WDPCP: variants seen among roughly 807,000 people sequenced by gnomAD.
WDPCP encodes WD repeat-containing and planar cell polarity effector protein fritz homolog.
WDPCP carries 71 observed loss-of-function variants against 93.1 expected under a neutral mutation model. That is an observed-to-expected ratio of 0.76 (90% confidence interval 0.63 to 0.93). The LOEUF is 0.93. WDPCP is among the 40% of genes least tolerant of loss of function. The pLI, the probability that WDPCP is intolerant of heterozygous loss-of-function variation, is 0.00. For missense variants in WDPCP, 844 were observed against 887.4 expected (o/e 0.95, Z 0.62); for synonymous variants, 315 against 315.0 (o/e 1.00, Z 0.00).
chr2:63,176,226 A>C (rs1482145299), intron 14 of WDPCP, among the ~76,000 whole-genome samples: 1 of 152,110 alleles, frequency 6.6e-6, no homozygotes, highest in Non-Finnish European at 1.5e-5. Context: ...CCTTCACTGA[A>C]GAAATGTGGA....
intron 14 of WDPCP, among the ~76,000 whole-genome samples, chr2:63,244,803 G>A (rs549194521): frequency 1.3e-5 from 2 of 152,210 alleles, no homozygotes; most frequent in African/African-American, 4.8e-5. Context: ...TTGCAGTGAC[G>A]TATTCCCATT....
intron 12 of WDPCP, among the ~76,000 whole-genome samples, chr2:63,336,888 A>C (rs1050048442): frequency 7.4e-6 from 1 of 135,138 alleles, no homozygotes; most frequent in Non-Finnish European, 1.5e-5. Context: ...TATCTTCATG[A>C]GAGTCACTTT....
At chr2:63,294,588 C>G (rs181513644) in intron 13 of WDPCP, among the ~76,000 whole-genome samples, 1 of 145,906 alleles carries the variant, frequency 6.9e-6, no homozygotes, top group Non-Finnish European at 1.5e-5. Flanking sequence ...AATTGTCCTT[C>G]AAAAGTGAAG....
the WDPCP span, among the ~76,000 whole-genome samples, chr2:63,834,636 A>C: frequency 6.6e-6 from 1 of 152,216 alleles, no homozygotes; most frequent in African/African-American, 2.4e-5. Flanking sequence ...GGCCAAGAGG[A>C]GCAGCATCTC....
At chr2:63,372,454 G>T (rs1575257049) in intron 12 of WDPCP, among the ~76,000 whole-genome samples, 1 of 152,094 alleles carries the variant, frequency 6.6e-6, no homozygotes, top group Non-Finnish European at 1.5e-5. Flanking sequence ...TAATTGTGGA[G>T]TAAATAAAAA....
rs561881905 is a variant in WDPCP, at chr2:63,318,659, A to G, written c.1749-5348T>C. On this transcript the variant is annotated intron_variant, in intron 12 of 17. Coordinates refer to ENST00000272321, the MANE Select transcript of WDPCP (RefSeq NM_015910.7). ...GCCACTATCCTAAGAGAATTAATAC[A>G]GGACCAAAAAACCAAATACCCCATG... 2.6e-5 allele frequency among the ~76,000 whole-genome samples: 4 copies of G among 152,334 alleles called. 1 individual carries two copies. The South Asian group carries it at 8.3e-4, about 32-fold the overall frequency.
intron 2 of WDPCP, among the ~76,000 whole-genome samples, chr2:63,810,693 C>T (rs915093665): frequency 1.3e-5 from 2 of 152,142 alleles, no homozygotes; most frequent in Admixed American, 1.3e-4. Flanking sequence ...CAAATTTATT[C>T]CATATTTTTT....
At chr2:63,557,461 C>G (rs1300796217) in intron 1 of WDPCP, among the ~76,000 whole-genome samples, 2 of 152,202 alleles carry the variant, frequency 1.3e-5, no homozygotes, top group African/African-American at 4.8e-5. Context: ...GAAAAGCTAA[C>G]TATCCTAAAC....
chr2:63,166,591 C>T (rs1156235338), intron 15 of WDPCP, among the ~76,000 whole-genome samples: 3 of 151,668 alleles, frequency 2.0e-5, no homozygotes, highest in Admixed American at 6.6e-5. Flanking sequence ...CAGGGTTTCG[C>T]CATATTTGCC....
At chr2:63,657,555 T>A (rs1710183695) in intron 2 of WDPCP, among the ~76,000 whole-genome samples, 2 of 152,158 alleles carry the variant, frequency 1.3e-5, no homozygotes, top group African/African-American at 4.8e-5. Context: ...CTGTGGAGAA[T>A]AGACTGGGGA....
At chr2:63,514,878 C>G (rs1434759579) in intron 1 of WDPCP, among the ~76,000 whole-genome samples, 1 of 152,110 alleles carries the variant, frequency 6.6e-6, no homozygotes, top group Non-Finnish European at 1.5e-5. Flanking sequence ...TCTTGCCACT[C>G]CTGTATTTGC....
At chr2:63,720,958 T>G (rs546585832) in intron 2 of WDPCP, among the ~76,000 whole-genome samples, 1 of 152,254 alleles carries the variant, frequency 6.6e-6, no homozygotes, top group Non-Finnish European at 1.5e-5. Flanking sequence ...ACCTGACAGA[T>G]AGTCATTAAC....
At chr2:63,485,055 T>C in intron 4 of WDPCP, 68 bp from the exon 5 acceptor site, 1 of 1,551,920 alleles carries the variant, frequency 6.4e-7, no homozygotes, top group Non-Finnish European at 8.9e-7. Flanking sequence ...CTTAGCAGTG[T>C]GCCTTAGGGA....
intron 2 of WDPCP, among the ~76,000 whole-genome samples, chr2:63,809,858 G>C (rs373536753): frequency 4.6e-5 from 7 of 151,612 alleles, no homozygotes; most frequent in Non-Finnish European, 8.8e-5. Flanking sequence ...CACTGTTGTC[G>C]TATGACCCTG....
chr2:63,519,450 G>A (rs549058471), intron 1 of WDPCP, among the ~76,000 whole-genome samples: 1 of 152,196 alleles, frequency 6.6e-6, no homozygotes, highest in African/African-American at 2.4e-5. Flanking sequence ...AAATGCAAAC[G>A]GGCATGGATC....
chr2:63,479,123 C>T (rs907325491), intron 6 of WDPCP, among the ~76,000 whole-genome samples: 1 of 151,870 alleles, frequency 6.6e-6, no homozygotes. Flanking sequence ...ATACAACCTT[C>T]CTAGATTAAA....
chr2:63,533,682 C>A (rs1392516148), intron 1 of WDPCP, among the ~76,000 whole-genome samples: 1 of 152,130 alleles, frequency 6.6e-6, no homozygotes, highest in Non-Finnish European at 1.5e-5. Context: ...ACACAACATA[C>A]CAGAATCTCT....
chr2:63,461,322 T>G (rs1698993097), intron 6 of WDPCP, among the ~76,000 whole-genome samples: 1 of 152,112 alleles, frequency 6.6e-6, no homozygotes, highest in African/African-American at 2.4e-5. Flanking sequence ...TGAGACAGTG[T>G]TCACTAAATT....
At chr2:63,122,240 A>G (rs1669592446) in intron 17 of WDPCP, among the ~76,000 whole-genome samples, 184 bp from the exon 18 acceptor site, 1 of 152,208 alleles carries the variant, frequency 6.6e-6, no homozygotes, top group Non-Finnish European at 1.5e-5. Flanking sequence ...AAATTTTGAT[A>G]CGATATTTAT....
Sources: allele counts gnomAD v4.1 joint callset (sites outside exome capture counted in the v4.1 genomes callset), GRCh38; gene constraint gnomAD v4.1.1; transcripts MANE v1.5; gene names NCBI Gene and HGNC (gene_info 2026-07-23, HGNC 2026-07-21).